The following NUP133 variants were observed in gnomAD, a reference collection of about 807,000 sequenced individuals.
The protein encoded by NUP133 is nuclear pore complex protein Nup133.
In NUP133, 66 loss-of-function variants were observed where a neutral mutation model predicts 146.2. The observed-to-expected ratio is 0.45, with a 90% CI of 0.37 to 0.55. NUP133 has a LOEUF of 0.55. Among genes scored for constraint, NUP133 ranks in the 20% least tolerant of loss-of-function variants. NUP133 has a pLI of 0.00. For missense variants in NUP133, 1,277 were observed against 1,374.8 expected, an observed-to-expected ratio of 0.93 and a Z score of 1.12; for synonymous variants, 521 against 498.8, an observed-to-expected ratio of 1.04 and a Z score of -0.59.
At chr1:229,483,109 C>CT (rs1339704218) in intron 12 of NUP133, among the ~76,000 whole-genome samples, 3 of 152,030 alleles carry the variant, frequency 2.0e-5, no homozygotes, top group Admixed American at 6.6e-5. Context: ...AATTCTTTTG[C>CT]TTTTTTTGAG....
At chr1:229,449,473 T>C (rs558524425) in intron 23 of NUP133, among the ~76,000 whole-genome samples, 6 of 150,952 alleles carry the variant, frequency 4.0e-5, no homozygotes, top group Non-Finnish European at 8.9e-5. Flanking sequence ...GTTCAAGCAA[T>C]TCCCCTACCT....
chr1:229,465,489 G>A lies in NUP133; in HGVS notation c.2230C>T (p.Gln744Ter). The stretch of plus-strand genomic sequence containing the variant: ...CTTCTATACAAAGAGTTTCTATTTT[G>A]GCGATAATGACTAGCAGCCTGCAGC... The part of the protein sequence containing the change: ...DMLQAASHYR[Q>*]NRNSLYRREE... The change falls in exon 17 of 26, where the codon CAA becomes TAA. Residue 744 changes from glutamine to a stop codon, truncating the protein, a stop_gained. Coordinates refer to ENST00000261396, the MANE Select transcript of NUP133 (RefSeq NM_018230.3). LOFTEE classifies it high-confidence loss of function. 6.2e-7 allele frequency: 1 copy of A among 1,613,842 alleles called. No homozygotes were observed. The highest frequency in any genetic ancestry group is 8.5e-7 in the Non-Finnish European group (1 of 1,179,908).
chr1:229,496,131 T>C (rs1661649944), intron 6 of NUP133, 84 bp from the exon 7 acceptor site: 1 of 1,050,516 alleles, frequency 9.5e-7, no homozygotes, highest in Admixed American at 3.4e-5. Context: ...AAATTTCACA[T>C]ATGTGATTAG....
At position 229,444,891 on chromosome 1, in the gene NUP133, C is replaced by T. The variant is rs769489321; in HGVS notation, c.3334+23G>A. On this transcript the variant is annotated intron_variant, in intron 25 of 25. Coordinates refer to ENST00000261396, the MANE Select transcript of NUP133 (RefSeq NM_018230.3). Reference sequence around the variant, plus strand: ...TGAGGAATGACACTGTAATTTCCAACGGTATAGTAACAAACCACTTACCAT... The same window carrying T: ...TGAGGAATGACACTGTAATTTCCAATGGTATAGTAACAAACCACTTACCAT... 93 of 1,491,248 alleles carry T rather than the reference C, an allele frequency of 6.2e-5. No individual in the cohort carries two copies. In the South Asian group the frequency reaches 8.5e-4, roughly 14 times the overall value. The allele number at this position is 1,491,248 out of a possible 1,614,324, so 92.4% of individuals were successfully genotyped here.
chr1:229,472,707 C>CATAT (rs372362492), intron 14 of NUP133, among the ~76,000 whole-genome samples: 1,502 of 124,260 alleles, frequency 0.012, 92 homozygotes, highest in African/African-American at 0.039. Flanking sequence ...ACTAAATATA[C>CATAT]ATATATATAT....
chr1:229,463,093 A>G (rs950452834), intron 19 of NUP133, among the ~76,000 whole-genome samples: 1 of 152,200 alleles, frequency 6.6e-6, no homozygotes, highest in African/African-American at 2.4e-5. Context: ...TAATATTTAT[A>G]TATAAAGAAT....
intron 24 of NUP133, among the ~76,000 whole-genome samples, chr1:229,447,075 G>GCACTCCA (rs1660318379): frequency 6.6e-6 from 1 of 152,098 alleles, no homozygotes; most frequent in Non-Finnish European, 1.5e-5. Flanking sequence ...GGTGAGCCGA[G>GCACTCCA]ACTGTGCCAT....
At chr1:229,478,546 G>A (rs190458568) in intron 12 of NUP133, among the ~76,000 whole-genome samples, 1 of 152,264 alleles carries the variant, frequency 6.6e-6, no homozygotes, top group Admixed American at 6.5e-5. Context: ...CTACGGGAGA[G>A]GCTGAGATCA....
chr1:229,492,820 G>C (rs348331), intron 8 of NUP133, among the ~76,000 whole-genome samples: 19,219 of 151,830 alleles, frequency 0.13, 1,507 homozygotes, highest in Middle Eastern at 0.3. Context: ...AGTGTACACT[G>C]CTCAGGTGAC....
At chr1:229,461,996 G>T (rs1446021209) in intron 19 of NUP133, among the ~76,000 whole-genome samples, 1 of 151,602 alleles carries the variant, frequency 6.6e-6, no homozygotes, top group Non-Finnish European at 1.5e-5. Context: ...GGATTCTCCT[G>T]CCTCAACCTC....
chr1:229,459,633 C>T (rs758205420), intron 20 of NUP133, among the ~76,000 whole-genome samples: 42 of 152,086 alleles, frequency 2.8e-4, no homozygotes, highest in Non-Finnish European at 5.4e-4. Context: ...CTGTGTCTGG[C>T]TTATTTGGTT....
At chr1:229,476,147 T>C (rs1057360836) in intron 13 of NUP133, among the ~76,000 whole-genome samples, 7 of 151,260 alleles carry the variant, frequency 4.6e-5, no homozygotes, top group Non-Finnish European at 8.9e-5. Context: ...CTATACAAAA[T>C]AAAAATATCA....
Position 229,489,275 on chromosome 1 carries a change from C to T in NUP133, c.1194+680G>A, listed in dbSNP as rs373733302. On this transcript the variant is annotated intron_variant, in intron 9 of 25. Coordinates refer to ENST00000261396, the MANE Select transcript of NUP133 (RefSeq NM_018230.3). ...GGCTCAAGTGATCTTCCTGCCTCGG[C>T]CTGTTGAGTAGCTGGGACTAGAGGC... is the stretch of plus-strand genomic sequence containing the variant. Among the ~76,000 whole-genome samples the T allele has an allele frequency of 4.9e-4, 75 of 152,258 alleles. No individual in the cohort carries two copies. In the East Asian group the frequency reaches 0.014, roughly 27 times the overall value.
intron 16 of NUP133, 85 bp downstream of exon 16, chr1:229,466,549 T>C: frequency 6.9e-7 from 1 of 1,453,756 alleles, no homozygotes; most frequent in Non-Finnish European, 9.5e-7. Flanking sequence ...TTATCGGCAA[T>C]ACAGAGTAGG....
chr1:229,463,548 C>T lies in NUP133; in HGVS notation c.2680G>A (p.Asp894Asn), dbSNP rs1571914396. 5.6e-6 allele frequency: 9 copies of T among 1,613,796 alleles called. No homozygotes were observed. The highest frequency in any genetic ancestry group is 7.6e-6 in the Non-Finnish European group (9 of 1,179,906). Residue 894 changes from aspartate (D) to asparagine (N), a missense_variant, in exon 19 of 26, where the codon GAT (aspartate) becomes AAT (asparagine). Physicochemically the swap from Asp to Asn is conservative, Grantham distance 23. Transcript: ENST00000261396. ...RLQRYMTQFA[D>N]QNFSDFLFRW... ...ACACACCCAACACTCATCACCTGAT[C>T]AGCAAACTGGGTCATGTAGCGCTGG...
intron 12 of NUP133, among the ~76,000 whole-genome samples, chr1:229,483,804 T>C (rs1661280095): frequency 1.3e-5 from 2 of 151,822 alleles, no homozygotes; most frequent in South Asian, 4.1e-4. Context: ...TTTTTAATGG[T>C]ACATTGTTTT....
rs75958318 is a variant in NUP133, at chr1:229,465,576, T to C, written c.2200-57A>G. On this transcript the variant is annotated intron_variant, in intron 16 of 25. Transcript: ENST00000261396. ...AAAAGGTGATGGATCACAGTATTTC[T>C]GAAGATAATTTAAGACAGCAAAGTA... The C allele has an allele frequency of 2.0e-3, 2,560 of 1,294,490 alleles. 46 individuals carry two copies. The African/African-American group carries it at 0.034, about 17-fold the overall frequency. The allele number at this position is 1,294,490 out of a possible 1,614,324, so 80.2% of individuals were successfully genotyped here.
At chr1:229,497,824 C>A (rs4925457) in intron 6 of NUP133, among the ~76,000 whole-genome samples, 2 of 152,058 alleles carry the variant, frequency 1.3e-5, no homozygotes, top group African/African-American at 4.8e-5. Flanking sequence ...AGTAGAAACA[C>A]GCTTCTGGTT....
At chr1:229,472,385 T>G (rs1424139491) in intron 14 of NUP133, among the ~76,000 whole-genome samples, 1 of 151,008 alleles carries the variant, frequency 6.6e-6, no homozygotes, top group Non-Finnish European at 1.5e-5. Context: ...CCTGCTTTAC[T>G]TTGCTTTGAT....
Sources: allele counts gnomAD v4.1 joint callset (sites outside exome capture counted in the v4.1 genomes callset), GRCh38; gene constraint gnomAD v4.1.1; transcripts MANE v1.5; gene names NCBI Gene and HGNC (gene_info 2026-07-23, HGNC 2026-07-21).